The following C14orf39 variants were observed in gnomAD, a reference collection of about 807,000 sequenced individuals.
C14orf39 encodes the protein chromosome 14 open reading frame 39, also known as protein SIX6OS1.
C14orf39 carries 66 observed loss-of-function variants against 85.6 expected under a neutral mutation model. The observed-to-expected ratio is 0.77, with a 90% CI of 0.63 to 0.95. C14orf39 has a LOEUF of 0.95. Ranked by LOEUF, C14orf39 falls within the 40% of genes least tolerant of loss-of-function variation. The pLI is 0.00. For missense variants in C14orf39, 735 were observed against 663.9 expected, an observed-to-expected ratio of 1.11 and a Z score of -1.18; for synonymous variants, 242 against 214.0, an observed-to-expected ratio of 1.13 and a Z score of -1.14.
Position 60,457,023 on chromosome 14 carries a change from A to T in C14orf39, c.1252T>A (p.Phe418Ile). The change falls in exon 15 of 18, where the codon TTT becomes ATT. Residue 418 changes from phenylalanine to isoleucine, a missense_variant. Physicochemically the swap from Phe to Ile is conservative, Grantham distance 21. Coordinates refer to ENST00000321731, the MANE Select transcript of C14orf39 (RefSeq NM_174978.3). ...ATAGGAATTTCAGACGTTCGTGGAA[A>T]ATTCTCAGCTCTCTCTTCTACTTCA... is the stretch of plus-strand genomic sequence containing the variant. ...SDEVEERAEN[F>I]PRTSEIPIFL... 1 of 1,611,068 alleles carries T rather than the reference A, an allele frequency of 6.2e-7. No individual in the cohort carries two copies.
intron 11 of C14orf39, among the ~76,000 whole-genome samples, chr14:60,464,222 GA>G (rs1163098841): frequency 6.6e-6 from 1 of 152,162 alleles, no homozygotes; most frequent in Non-Finnish European, 1.5e-5. Flanking sequence ...AGCATAGCAT[GA>G]AAAATAGCAG....
In C14orf39 at chr14:60,482,141, A is replaced by G. The variant is rs144758681; in HGVS notation, c.233+1550T>C. On this transcript the variant is annotated intron_variant, in intron 4 of 17. Transcript: ENST00000321731. The stretch of plus-strand genomic sequence containing the variant: ...AGACATATTAAAATCAACAGATCCT[A>G]CTGACTCTCCTCAGACCTAGCAGAA... Among the ~76,000 whole-genome samples, 864 of 152,332 alleles carry G rather than the reference A, an allele frequency of 5.7e-3. 17 individuals carry two copies. The highest frequency in any genetic ancestry group is 0.02 in the African/African-American group (813 of 41,568).
At chr14:60,472,486 G>A (rs1457004805) in intron 5 of C14orf39, among the ~76,000 whole-genome samples, 5 of 151,956 alleles carry the variant, frequency 3.3e-5, no homozygotes, top group Non-Finnish European at 7.4e-5. Flanking sequence ...GTGCCATGTT[G>A]GTGTGCTGCA....
chr14:60,463,333 G>A (rs996321714), intron 11 of C14orf39, among the ~76,000 whole-genome samples: 1 of 151,922 alleles, frequency 6.6e-6, no homozygotes, highest in Non-Finnish European at 1.5e-5. Flanking sequence ...ATACATTGTG[G>A]ATACCAATCT....
chr14:60,448,258 C>T (rs1393269661), intron 16 of C14orf39, among the ~76,000 whole-genome samples: 1 of 152,106 alleles, frequency 6.6e-6, no homozygotes, highest in African/African-American at 2.4e-5. Flanking sequence ...GAACAGGCAA[C>T]CTACAGAATG....
In C14orf39 at chr14:60,466,838, A is replaced by C. The variant is rs573328754; in HGVS notation, c.895+79T>G. 2.8e-5 allele frequency: 32 copies of C among 1,143,350 alleles called. No individual in the cohort carries two copies. The African/African-American group carries it at 3.9e-4, about 14-fold the overall frequency. The allele number at this position is 1,143,350 out of a possible 1,614,324, so 70.8% of individuals were successfully genotyped here. On this transcript the variant is annotated intron_variant, in intron 10 of 17. Coordinates refer to ENST00000321731, the MANE Select transcript of C14orf39 (RefSeq NM_174978.3). ...ATTGTTTTTACTTACACCAAATGAT[A>C]AATAAAATTGCTTCCTTCTATTTCT...
intron 17 of C14orf39, among the ~76,000 whole-genome samples, chr14:60,438,768 TAGAA>T (rs1184353560): frequency 6.6e-6 from 1 of 151,912 alleles, no homozygotes; most frequent in African/African-American, 2.4e-5. Context: ...TCTCGAAAGA[TAGAA>T]AGAGATAGAA....
chr14:60,466,141 T>C, intron 10 of C14orf39, 86 bp from the exon 11 acceptor site: 1 of 535,424 alleles, frequency 1.9e-6, no homozygotes, highest in Non-Finnish European at 3.1e-6. Flanking sequence ...ACTTGTAATT[T>C]AGAAAATCAA....
At chr14:60,457,569 T>C (rs552398747) in intron 14 of C14orf39, among the ~76,000 whole-genome samples, 19 of 152,150 alleles carry the variant, frequency 1.2e-4, no homozygotes, top group African/African-American at 4.6e-4. Flanking sequence ...TAATTGAGAA[T>C]CTGAATACTA....
At chr14:60,483,957 T>C in intron 3 of C14orf39, 140 bp from the exon 4 acceptor site, 1 of 569,910 alleles carries the variant, frequency 1.8e-6, no homozygotes, top group South Asian at 2.2e-5. Flanking sequence ...TTGAGATGGG[T>C]GGGACCGTAT....
At chr14:60,498,923 G>T (rs1029949365) in intron 2 of C14orf39, among the ~76,000 whole-genome samples, 1 of 152,138 alleles carries the variant, frequency 6.6e-6, no homozygotes, top group Non-Finnish European at 1.5e-5. Context: ...AGGTTCATCT[G>T]GAAGAAAATA....
intron 5 of C14orf39, among the ~76,000 whole-genome samples, chr14:60,476,401 G>T (rs1049562891): frequency 1.3e-5 from 2 of 152,184 alleles, no homozygotes; most frequent in Non-Finnish European, 2.9e-5. Context: ...TGTTTTTCAT[G>T]AATGACTTGA....
intron 4 of C14orf39, among the ~76,000 whole-genome samples, chr14:60,480,035 G>GA (rs1045376866): frequency 6.6e-6 from 1 of 152,138 alleles, no homozygotes; most frequent in Non-Finnish European, 1.5e-5. Flanking sequence ...ACAGATATAT[G>GA]AAAAAATGCT....
At chr14:60,465,851 AACACAC>A (rs10529202) in intron 11 of C14orf39, 122 bp downstream of exon 11, 14,530 of 414,234 alleles carry the variant, frequency 0.035, 185 homozygotes, top group Non-Finnish European at 0.042. Flanking sequence ...ATAAATTTAT[AACACAC>A]ACACACACAC....
chr14:60,442,097 G>C lies in C14orf39; in HGVS notation c.1538C>G (p.Pro513Arg). ...NEHYSARNLN[P>R]LSSEQEIGNL... ...ACCAATCTCTTGCTCTGATGACAGA[G>C]GATTTAGATTTCTTGCAGAATAATG... Residue 513 changes from proline to arginine, a missense_variant, in exon 17 of 18, where the codon CCT (proline) becomes CGT (arginine). Transcript: ENST00000321731. 6.2e-7 allele frequency: 1 copy of C among 1,610,010 alleles called. No homozygotes were observed. The highest frequency in any genetic ancestry group is 8.5e-7 in the Non-Finnish European group (1 of 1,177,268).
chr14:60,483,895 A>G, intron 3 of C14orf39, 78 bp from the exon 4 acceptor site: 1 of 979,068 alleles, frequency 1.0e-6, no homozygotes, highest in Middle Eastern at 3.1e-4. Flanking sequence ...AAAAATGGGT[A>G]TGGCAGCTTA....
rs368115595 is a variant in C14orf39, at chr14:60,458,725, C to A, written c.1132G>T (p.Asp378Tyr). ...EKGDKDAEYG[D>Y]KGTVRQVRES... is the part of the protein sequence containing the mutation. ...CTTACTTGTCTTACTGTCCCTTTAT[C>A]TCCATACTCAGCATCTGTTGTCATA... is the stretch of plus-strand genomic sequence containing the variant. The change falls in exon 14 of 18, where the codon GAT becomes TAT. Residue 378 changes from aspartate to tyrosine, a missense_variant. Asp to Tyr is a radical substitution (Grantham distance 160). Coordinates refer to ENST00000321731, the MANE Select transcript of C14orf39 (RefSeq NM_174978.3). 6.2e-7 allele frequency: 1 copy of A among 1,601,084 alleles called. No homozygotes were observed. The highest frequency in any genetic ancestry group is 1.3e-5 in the African/African-American group (1 of 74,428).
intron 5 of C14orf39, among the ~76,000 whole-genome samples, chr14:60,474,686 T>C (rs577875050): frequency 6.6e-6 from 1 of 152,016 alleles, no homozygotes; most frequent in Non-Finnish European, 1.5e-5. Flanking sequence ...TGGTTCTGTT[T>C]AGATGCTGGA....
intron 1 of C14orf39, among the ~76,000 whole-genome samples, chr14:60,508,307 T>C (rs1030312975): frequency 2.6e-5 from 4 of 152,218 alleles, no homozygotes; most frequent in African/African-American, 9.6e-5. Flanking sequence ...GTTGCTGTCC[T>C]GACCTACCAA....
Sources: allele counts gnomAD v4.1 joint callset (sites outside exome capture counted in the v4.1 genomes callset), GRCh38; gene constraint gnomAD v4.1.1; transcripts MANE v1.5; gene names NCBI Gene and HGNC (gene_info 2026-07-23, HGNC 2026-07-21).